The following NRXN1 variants were observed in gnomAD, a reference collection of about 807,000 sequenced individuals.
NRXN1 encodes neurexin-1.
A neutral mutation model predicts 150.9 loss-of-function variants in NRXN1; 39 were observed. The ratio of observed to expected loss-of-function variants is 0.26; its 90% confidence interval spans 0.20 to 0.34. The LOEUF (loss-of-function observed/expected upper bound fraction) is 0.34. Ranked by LOEUF, NRXN1 falls within the 10% of genes least tolerant of loss-of-function variation. The pLI is 1.00. For missense variants in NRXN1, 1,815 were observed against 1,949.9 expected (o/e 0.93, Z 1.30); for synonymous variants, 924 against 757.0 (o/e 1.22, Z -3.62).
chr2:50,832,558 CA>C (rs1671557272), intron 5 of NRXN1, among the ~76,000 whole-genome samples: 2 of 152,182 alleles, frequency 1.3e-5, no homozygotes, highest in South Asian at 4.1e-4. Context: ...GAGGGTGAGG[CA>C]GGGGGAACTG....
chr2:50,732,804 C>T (rs867055335), intron 5 of NRXN1, among the ~76,000 whole-genome samples: 5 of 152,054 alleles, frequency 3.3e-5, no homozygotes, highest in Middle Eastern at 3.2e-3. Context: ...CTATAGCATC[C>T]GGCTTGCTTA....
At chr2:50,704,164 A>G (rs1347450591) in intron 5 of NRXN1, among the ~76,000 whole-genome samples, 5 of 152,026 alleles carry the variant, frequency 3.3e-5, no homozygotes, top group Non-Finnish European at 7.4e-5. Flanking sequence ...ATTATTCTCT[A>G]CTGATAGAAT....
At chr2:50,836,330 C>T (rs1295006957) in intron 5 of NRXN1, among the ~76,000 whole-genome samples, 1 of 152,008 alleles carries the variant, frequency 6.6e-6, no homozygotes, top group East Asian at 1.9e-4. Flanking sequence ...GTGGTAAAAA[C>T]ATTTAAAATC....
chr2:50,083,769 G>T (rs1195021615), intron 19 of NRXN1, among the ~76,000 whole-genome samples: 2 of 152,126 alleles, frequency 1.3e-5, no homozygotes, highest in Admixed American at 6.6e-5. Context: ...CCCTGAGCTA[G>T]ACACAAACGT....
chr2:50,786,906 T>G (rs9752616), intron 5 of NRXN1, among the ~76,000 whole-genome samples: 129,648 of 152,156 alleles, frequency 0.85, 55,291 homozygotes, highest in Middle Eastern at 0.89. Context: ...AAATGGAAAA[T>G]TCTTCATTTG....
chr2:50,970,238 G>A (rs1694794030), intron 2 of NRXN1, among the ~76,000 whole-genome samples: 1 of 152,176 alleles, frequency 6.6e-6, no homozygotes, highest in Non-Finnish European at 1.5e-5. Flanking sequence ...GGGGAAGAGG[G>A]ATTATAGGTT....
chr2:50,804,852 A>G (rs1009337575), intron 5 of NRXN1, among the ~76,000 whole-genome samples: 1 of 152,150 alleles, frequency 6.6e-6, no homozygotes, highest in Non-Finnish European at 1.5e-5. Flanking sequence ...CCCTTCTCCC[A>G]ATATACTTTT....
intron 18 of NRXN1, among the ~76,000 whole-genome samples, chr2:50,195,397 CAGT>C (rs1447972661): frequency 6.6e-6 from 1 of 152,126 alleles, no homozygotes; most frequent in Admixed American, 6.6e-5. Context: ...TATAGTGCTT[CAGT>C]AGTAATTCTG....
intron 22 of NRXN1, among the ~76,000 whole-genome samples, chr2:49,935,321 T>C (rs1337465014): frequency 6.6e-6 from 1 of 152,182 alleles, no homozygotes; most frequent in Non-Finnish European, 1.5e-5. Context: ...GTTTACTCAA[T>C]AAAACAAAAT....
intron 2 of NRXN1, among the ~76,000 whole-genome samples, chr2:51,013,034 C>T (rs1047530650): frequency 1.3e-5 from 2 of 151,986 alleles, no homozygotes; most frequent in African/African-American, 2.4e-5. Flanking sequence ...ATGTAAGAGA[C>T]ACCACTCGAA....
chr2:50,940,142 T>C (rs923837200), intron 2 of NRXN1, among the ~76,000 whole-genome samples: 1 of 152,136 alleles, frequency 6.6e-6, no homozygotes, highest in Non-Finnish European at 1.5e-5. Flanking sequence ...TCCATGAACT[T>C]AGAGTGCAGT....
chr2:50,695,561 G>A (rs1421029295), intron 5 of NRXN1, among the ~76,000 whole-genome samples: 3 of 152,152 alleles, frequency 2.0e-5, no homozygotes, highest in Non-Finnish European at 4.4e-5. Context: ...TTGACAAAGA[G>A]ATTAGACTAA....
chr2:50,436,355 A>G (rs2085435216), intron 17 of NRXN1, among the ~76,000 whole-genome samples: 1 of 152,144 alleles, frequency 6.6e-6, no homozygotes, highest in Non-Finnish European at 1.5e-5. Flanking sequence ...TGGGAAGCTG[A>G]GGCAGAAGAA....
At chr2:50,898,995 C>G (rs1393424766) in intron 5 of NRXN1, among the ~76,000 whole-genome samples, 1 of 151,752 alleles carries the variant, frequency 6.6e-6, no homozygotes, top group Non-Finnish European at 1.5e-5. Flanking sequence ...ACCTGTCAAA[C>G]AGAGAGTTAA....
At chr2:50,454,992 G>A (rs1390753756) in intron 17 of NRXN1, among the ~76,000 whole-genome samples, 1 of 152,048 alleles carries the variant, frequency 6.6e-6, no homozygotes, top group African/African-American at 2.4e-5. Flanking sequence ...GAAGGAAGAG[G>A]ACAGCCCAAA....
At chr2:50,523,438 G>A (rs896159648) in intron 12 of NRXN1, among the ~76,000 whole-genome samples, 3 of 152,072 alleles carry the variant, frequency 2.0e-5, no homozygotes, top group East Asian at 1.9e-4. Flanking sequence ...ATCAAGCAGC[G>A]ACTCTAAACT....
In NRXN1 at chr2:50,697,624, T is replaced by C. The variant is rs1446950118; in HGVS notation, c.833-74009A>G. Among the ~76,000 whole-genome samples the C allele has an allele frequency of 3.3e-5, 5 of 152,212 alleles. No homozygotes were observed. In the East Asian group the frequency reaches 7.7e-4, roughly 23 times the overall value. ...CCTCTCTCCCTTCCTTGCTCTTCTG[T>C]AGCCCATGCTTCACTTCTCAACTAT... is the stretch of plus-strand genomic sequence containing the variant. On this transcript the variant is annotated intron_variant, in intron 5 of 22. Coordinates refer to ENST00000401669, the MANE Select transcript of NRXN1 (RefSeq NM_001330078.2).
At chr2:51,004,511 C>T (rs184202313) in intron 2 of NRXN1, among the ~76,000 whole-genome samples, 442 of 151,834 alleles carry the variant, frequency 2.9e-3, no homozygotes, top group Middle Eastern at 0.02. Context: ...CTTTAAAGTA[C>T]GTGGTTTTAT....
chr2:50,083,389 C>G (rs189169325), intron 19 of NRXN1, among the ~76,000 whole-genome samples: 2 of 152,272 alleles, frequency 1.3e-5, no homozygotes, highest in Admixed American at 6.6e-5. Flanking sequence ...ATCTTGCTCT[C>G]TCTTTTAACA....
Sources: gnomAD v4.1 joint callset for allele counts (sites outside exome capture counted in the v4.1 genomes callset) on GRCh38, gnomAD v4.1.1 for gene constraint, MANE v1.5 for transcripts, NCBI Gene and HGNC (gene_info 2026-07-23, HGNC 2026-07-21) for gene names.